GJC1: variants seen among roughly 807,000 people sequenced by gnomAD.
The protein encoded by GJC1 is gap junction protein gamma 1, also known as gap junction gamma-1 protein.
In GJC1, 5 loss-of-function variants were observed where a neutral mutation model predicts 29.3. The ratio of observed to expected loss-of-function variants is 0.17; its 90% CI spans 0.09 to 0.36. GJC1 has a LOEUF of 0.36. GJC1 is among the 10% of genes least tolerant of loss of function. The probability of loss-of-function intolerance (pLI) is 1.00; values close to 1 mark genes in which losing one functional copy is unlikely to be tolerated. For missense variants in GJC1, 310 were observed against 496.2 expected, an observed-to-expected ratio of 0.62 and a Z score of 3.56; for synonymous variants, 177 against 183.3, an observed-to-expected ratio of 0.97 and a Z score of 0.28.
At chr17:44,824,206 C>T (rs1029845377) in intron 1 of GJC1, among the ~76,000 whole-genome samples, 8 of 151,956 alleles carry the variant, frequency 5.3e-5, no homozygotes, top group Non-Finnish European at 1.0e-4. Flanking sequence ...TAGGGTTTCA[C>T]CATGTTGGCC....
intron 1 of GJC1, chr17:44,807,836 C>T (rs1006495240): frequency 2.0e-5 from 3 of 152,192 alleles, no homozygotes; most frequent in African/African-American, 7.2e-5. Context: ...AACCTTCACC[C>T]CATCTGCTCT....
chr17:44,812,015 C>A (rs1457845860), intron 1 of GJC1, among the ~76,000 whole-genome samples: 5 of 148,634 alleles, frequency 3.4e-5, no homozygotes, highest in South Asian at 2.1e-4. Context: ...AAACAAAAAA[C>A]AAAAAACAAA....
At chr17:44,811,685 C>A (rs1207437462) in intron 1 of GJC1, among the ~76,000 whole-genome samples, 1 of 152,108 alleles carries the variant, frequency 6.6e-6, no homozygotes, top group Non-Finnish European at 1.5e-5. Context: ...CTATGCCTGG[C>A]CTCTTTCTCT....
At chr17:44,821,611 C>G (rs1424564504) in intron 1 of GJC1, among the ~76,000 whole-genome samples, 2 of 140,270 alleles carry the variant, frequency 1.4e-5, no homozygotes, top group Admixed American at 7.7e-5. Context: ...GCAGGAGAAT[C>G]ACTTGAACTT....
intron 1 of GJC1, among the ~76,000 whole-genome samples, chr17:44,823,170 G>C (rs184449377): frequency 6.6e-6 from 1 of 151,888 alleles, no homozygotes; most frequent in African/African-American, 2.4e-5. Context: ...GATAAGAATA[G>C]GGGTGTGTGA....
At chr17:44,797,937 G>C (rs959255080), downstream of GJC1, among the ~76,000 whole-genome samples, 1 of 152,188 alleles carries the variant, frequency 6.6e-6, no homozygotes, top group African/African-American at 2.4e-5. Context: ...CCGTGTCTGA[G>C]GGAACAAGAG....
chr17:44,821,634 C>T (rs1387123952), intron 1 of GJC1, among the ~76,000 whole-genome samples: 8 of 130,434 alleles, frequency 6.1e-5, no homozygotes, highest in African/African-American at 1.2e-4. Flanking sequence ...GAGGTGGAGG[C>T]TGCAGTGAGC....
chr17:44,797,082 A>C (rs73307236), downstream of GJC1, among the ~76,000 whole-genome samples: 22,781 of 151,504 alleles, frequency 0.15, 1,924 homozygotes, highest in African/African-American at 0.22. Context: ...ATATATCGCT[A>C]TCTCTCTCTG....
chr17:44,813,537 G>C (rs1469462786), intron 1 of GJC1, among the ~76,000 whole-genome samples: 3 of 135,470 alleles, frequency 2.2e-5, no homozygotes. Context: ...CTGTCGCCCA[G>C]GCTGGAGTGC....
intron 1 of GJC1, among the ~76,000 whole-genome samples, chr17:44,826,976 C>G (rs1474120403): frequency 6.6e-6 from 1 of 152,148 alleles, no homozygotes; most frequent in Admixed American, 6.6e-5. Context: ...CAGCCAAAAT[C>G]TATCTTCTCA....
rs1189453783 is a variant in GJC1 at position 44,808,472 on chromosome 17, C to T, written c.-96-1003G>A. On this transcript the variant is annotated intron_variant, in intron 1 of 2. Transcript: ENST00000592524. ...ACACACACACACACACGGCCCAGCA[C>T]AGTGGCTCTGGCTCACGCCTGTAAT... Among the ~76,000 whole-genome samples, 6 of 151,824 alleles carry T rather than the reference C, an allele frequency of 4.0e-5. No individual in the cohort carries two copies. In the South Asian group the frequency reaches 6.2e-4, roughly 16 times the overall value.
At chr17:44,826,276 T>C (rs2050175700) in intron 1 of GJC1, among the ~76,000 whole-genome samples, 1 of 152,116 alleles carries the variant, frequency 6.6e-6, no homozygotes, top group South Asian at 2.1e-4. Context: ...CTCACGACTG[T>C]AACCCCAGCA....
chr17:44,823,269 T>TTC lies in GJC1; in HGVS notation c.-97+6792_-97+6793insGA, dbSNP rs1555560207. Among the ~76,000 whole-genome samples, 91 of 149,382 alleles carry TTC rather than the reference T, an allele frequency of 6.1e-4. 1 individual carries two copies. The highest frequency in any genetic ancestry group is 2.0e-3 in the African/African-American group (80 of 40,030). ...TCCTGTTTTTTTTTTTTTTTTTTTTTTAAGACGGAGTGTTGCTCTGTCACC... is the reference window on the plus strand; with the variant it reads ...TCCTGTTTTTTTTTTTTTTTTTTTTTTCTAAGACGGAGTGTTGCTCTGTCACC... On this transcript the variant is annotated intron_variant, in intron 1 of 2. Coordinates refer to ENST00000592524, the MANE Select transcript of GJC1 (RefSeq NM_005497.4).
chr17:44,810,214 CT>C (rs1314177895), intron 1 of GJC1, among the ~76,000 whole-genome samples: 1 of 152,200 alleles, frequency 6.6e-6, no homozygotes, highest in South Asian at 2.1e-4. Flanking sequence ...CCAGGCTGGT[CT>C]TGAACTCCTG....
chr17:44,816,593 C>T lies in GJC1; in HGVS notation c.-96-9124G>A, dbSNP rs147448815. 2.4e-3 allele frequency among the ~76,000 whole-genome samples: 370 copies of T among 152,196 alleles called. 1 individual carries two copies. Among genetic ancestry groups the T allele is most frequent in the African/African-American group, 8.2e-3 (339 of 41,534 alleles). On this transcript the variant is annotated intron_variant, in intron 1 of 2. Coordinates refer to ENST00000592524, the MANE Select transcript of GJC1 (RefSeq NM_005497.4). ...CTCAGCTCACTGCAACCTCTGCCTCCGGGGTTCAAGCAATTCTCCTGCCTC... is the reference window on the plus strand; with the variant it reads ...CTCAGCTCACTGCAACCTCTGCCTCTGGGGTTCAAGCAATTCTCCTGCCTC...
At chr17:44,826,921 C>T (rs567644155) in intron 1 of GJC1, among the ~76,000 whole-genome samples, 1 of 152,318 alleles carries the variant, frequency 6.6e-6, no homozygotes, top group East Asian at 1.9e-4. Context: ...CTGATATTAA[C>T]AGCTCAGAAC....
rs2050218909 is a variant in GJC1, at chr17:44,830,255, T to C, written c.-290A>G. 6.3e-6 allele frequency: 1 copy of C among 158,508 alleles called. No homozygotes were observed. Among genetic ancestry groups the C allele is most frequent in the Non-Finnish European group, 1.3e-5 (1 of 74,270 alleles). The allele number at this position is 158,508 out of a possible 1,614,324, so 9.8% of individuals were successfully genotyped here. A position where few individuals can be genotyped will look rare whatever the true frequency, so the allele number is the denominator to read the frequency against. ...CGCCGCTGCCGCCGCCGCCGCCGCCTCCCGCTCCCGCCGCCGCGACCCGCG... is the reference window on the plus strand; with the variant it reads ...CGCCGCTGCCGCCGCCGCCGCCGCCCCCCGCTCCCGCCGCCGCGACCCGCG... On this transcript the variant is annotated 5_prime_UTR_variant, in exon 1 of 3. Coordinates refer to ENST00000592524, the MANE Select transcript of GJC1 (RefSeq NM_005497.4). The surrounding 1 kb of genome is among the most constrained non-coding windows in gnomAD (Gnocchi z 4.3).
rs1045377910 is a variant in GJC1 at position 44,798,534 on chromosome 17, T to C, written c.*6093A>G. 1 of 152,186 alleles carries C rather than the reference T, an allele frequency of 6.6e-6. No individual in the cohort carries two copies. The highest frequency in any genetic ancestry group is 1.5e-5 in the Non-Finnish European group (1 of 68,028). The allele number at this position is 152,186 out of a possible 1,614,324, so 9.4% of individuals were successfully genotyped here. On this transcript the variant is annotated 3_prime_UTR_variant, in exon 3 of 3. Coordinates refer to ENST00000592524, the MANE Select transcript of GJC1 (RefSeq NM_005497.4). The stretch of plus-strand genomic sequence containing the variant: ...ACAGAGTCCGTCTCCACCATGAAAA[T>C]ATTACATAAGCTGTACAGAACAAAA...
intron 1 of GJC1, among the ~76,000 whole-genome samples, chr17:44,821,805 AAC>A (rs1245319656): frequency 2.6e-5 from 4 of 151,958 alleles, no homozygotes; most frequent in African/African-American, 9.7e-5. Context: ...GCATCTTGGC[AAC>A]AGTTATCAAG....
Sources: gnomAD v4.1 joint callset for allele counts (sites outside exome capture counted in the v4.1 genomes callset) on GRCh38, gnomAD v4.1.1 for gene constraint, Gnocchi (gnomAD v3.1) non-coding constraint, MANE v1.5 for transcripts, NCBI Gene and HGNC (gene_info 2026-07-23, HGNC 2026-07-21) for gene names.